Variants in RARB observed in about 807,000 individuals in gnomAD.
RARB encodes the protein retinoic acid receptor beta, also known as HBV-activated protein.
A neutral mutation model predicts 51.9 loss-of-function variants in RARB; 17 were observed. That is an observed-to-expected ratio of 0.33 (90% CI 0.22 to 0.49). The LOEUF is 0.49. Ranked by LOEUF, RARB falls within the 20% of genes least tolerant of loss-of-function variation. RARB has a pLI of 0.99. For synonymous variants in RARB, 215 were observed against 195.4 expected, an observed-to-expected ratio of 1.10 and a Z score of -0.84; for missense variants, 369 against 550.8, an observed-to-expected ratio of 0.67 and a Z score of 3.30.
intron 5 of RARB, among the ~76,000 whole-genome samples, chr3:25,334,548 A>G (rs1575320754): frequency 1.3e-5 from 2 of 152,126 alleles, no homozygotes; most frequent in African/African-American, 2.4e-5. Flanking sequence ...GGGAGCGGGG[A>G]AGGATAGCAT....
At chr3:25,519,252 G>A (rs1698301381) in intron 3 of RARB, among the ~76,000 whole-genome samples, 1 of 152,132 alleles carries the variant, frequency 6.6e-6, no homozygotes, top group African/African-American at 2.4e-5. Flanking sequence ...CTTTGTGGGA[G>A]GCATGGCCAC....
At chr3:25,456,730 A>T (rs1694941667) in intron 1 of RARB, among the ~76,000 whole-genome samples, 1 of 138,440 alleles carries the variant, frequency 7.2e-6, no homozygotes, top group African/African-American at 2.7e-5. Context: ...CAAATACTTA[A>T]TTTTTTACTA....
At chr3:25,094,693 G>C (rs945986366) in intron 3 of RARB, among the ~76,000 whole-genome samples, 1 of 119,520 alleles carries the variant, frequency 8.4e-6, no homozygotes, top group Admixed American at 1.2e-4. Flanking sequence ...CTCCAGCCTG[G>C]GAGACAGAGT....
At chr3:24,941,847 A>G (rs1695673892) in intron 2 of RARB, among the ~76,000 whole-genome samples, 1 of 152,190 alleles carries the variant, frequency 6.6e-6, no homozygotes, top group African/African-American at 2.4e-5. Flanking sequence ...TAGCTTGCCC[A>G]ATTTACAGTT....
intron 2 of RARB, among the ~76,000 whole-genome samples, chr3:25,014,546 G>T (rs530074842): frequency 1.3e-5 from 2 of 152,190 alleles, no homozygotes; most frequent in African/African-American, 4.8e-5. Flanking sequence ...TTGAACCCAG[G>T]TGTCAGCATG....
chr3:25,057,530 T>C (rs11129178), intron 2 of RARB, among the ~76,000 whole-genome samples: 103,307 of 151,858 alleles, frequency 0.68, 35,733 homozygotes, highest in Non-Finnish European at 0.73. Flanking sequence ...CCTCACTGAC[T>C]GAACTTGCCA....
intron 2 of RARB, among the ~76,000 whole-genome samples, chr3:25,489,674 C>A (rs896587921): frequency 6.6e-6 from 1 of 152,218 alleles, no homozygotes; most frequent in Non-Finnish European, 1.5e-5. Flanking sequence ...GGAGCCTGAC[C>A]CCTCTTGGGG....
At chr3:25,041,788 G>A (rs1398051701) in intron 2 of RARB, among the ~76,000 whole-genome samples, 1 of 151,990 alleles carries the variant, frequency 6.6e-6, no homozygotes, top group African/African-American at 2.4e-5. Context: ...ATAAATAATT[G>A]AGAATGGAGT....
intron 2 of RARB, among the ~76,000 whole-genome samples, chr3:25,499,812 A>G (rs1697207071): frequency 6.6e-6 from 1 of 152,242 alleles, no homozygotes; most frequent in African/African-American, 2.4e-5. Context: ...ATACCGGAAT[A>G]AGATTGCAAA....
intron 5 of RARB, among the ~76,000 whole-genome samples, chr3:25,349,476 G>A (rs983856678): frequency 1.3e-5 from 2 of 152,122 alleles, no homozygotes; most frequent in Non-Finnish European, 2.9e-5. Flanking sequence ...ATGGCAGGAC[G>A]TTAAGTTTGG....
At chr3:25,211,890 T>G (rs1004105800) in intron 5 of RARB, among the ~76,000 whole-genome samples, 4 of 152,214 alleles carry the variant, frequency 2.6e-5, no homozygotes, top group Non-Finnish European at 5.9e-5. Context: ...CATGTTTTCT[T>G]TTTCTCTTCT....
intron 5 of RARB, among the ~76,000 whole-genome samples, chr3:25,194,163 T>C (rs1282535524): frequency 1.3e-5 from 2 of 151,692 alleles, no homozygotes; most frequent in Admixed American, 6.6e-5. Context: ...CATAGAAAAA[T>C]ACTTCACAGT....
intron 2 of RARB, among the ~76,000 whole-genome samples, chr3:24,867,016 T>A (rs1262424911): frequency 6.6e-6 from 1 of 152,054 alleles, no homozygotes. Context: ...GTGGAGCCAT[T>A]GGTCATCAGA....
chr3:25,450,001 C>T (rs1051510865), intron 1 of RARB, among the ~76,000 whole-genome samples: 1 of 152,200 alleles, frequency 6.6e-6, no homozygotes, highest in Non-Finnish European at 1.5e-5. Flanking sequence ...ATCCACCCGC[C>T]ACAACCTCCC....
Position 25,326,327 on chromosome 3 carries a change from C to T in RARB, c.179-134866C>T, listed in dbSNP as rs141156595. Among the ~76,000 whole-genome samples, 888 of 152,254 alleles carry T rather than the reference C, an allele frequency of 5.8e-3. 7 individuals carry two copies. The highest frequency in any genetic ancestry group is 0.027 in the Middle Eastern group (8 of 294). ...GGTGCAGTGAGGGCTTGCTGCATCT[C>T]ACTGATAGTTGGACAAAGGTTTATA... is the stretch of plus-strand genomic sequence containing the variant. On this transcript the variant is annotated intron_variant, in intron 5 of 11. Transcript: ENST00000383772.
At chr3:25,452,435 G>C (rs1304201541) in intron 1 of RARB, among the ~76,000 whole-genome samples, 1 of 151,132 alleles carries the variant, frequency 6.6e-6, no homozygotes, top group Non-Finnish European at 1.5e-5. Context: ...AGAGTGATTA[G>C]TGGGTCCTGA....
At chr3:24,920,040 A>C (rs1695186189) in intron 2 of RARB, among the ~76,000 whole-genome samples, 2 of 152,246 alleles carry the variant, frequency 1.3e-5, no homozygotes, top group African/African-American at 4.8e-5. Context: ...GATGCTAGTC[A>C]TACAAACCAA....
At chr3:24,975,884 A>G (rs1167438758) in intron 2 of RARB, among the ~76,000 whole-genome samples, 3 of 152,056 alleles carry the variant, frequency 2.0e-5, no homozygotes, top group African/African-American at 7.2e-5. Flanking sequence ...CTCGTCATTT[A>G]CATTAGGTAT....
intron 2 of RARB, among the ~76,000 whole-genome samples, chr3:25,035,587 C>A (rs949928300): frequency 6.6e-6 from 1 of 152,034 alleles, no homozygotes; most frequent in Non-Finnish European, 1.5e-5. Flanking sequence ...ACTTGAGAGC[C>A]CAAACTCATA....
Sources: allele counts gnomAD v4.1 joint callset (sites outside exome capture counted in the v4.1 genomes callset), GRCh38; gene constraint gnomAD v4.1.1; transcripts MANE v1.5; gene names NCBI Gene and HGNC (gene_info 2026-07-23, HGNC 2026-07-21).